Variants in LARGE1 observed in about 807,000 individuals in gnomAD.
The protein encoded by LARGE1 is xylosyl- and glucuronyltransferase LARGE1.
Under a neutral mutation model 87.6 loss-of-function variants are expected in LARGE1, and 43 were observed. The observed-to-expected ratio is 0.49, with a 90% CI of 0.38 to 0.63. The LOEUF is 0.63. LARGE1 is among the 30% of genes least tolerant of loss of function. The pLI is 0.00. For synonymous variants in LARGE1, 434 were observed against 394.6 expected, an observed-to-expected ratio of 1.10 and a Z score of -1.18; for missense variants, 802 against 1,000.2, an observed-to-expected ratio of 0.80 and a Z score of 2.67.
At chr22:33,907,321 CAT>C (rs1036016130) in intron 1 of LARGE1, among the ~76,000 whole-genome samples, 6 of 152,200 alleles carry the variant, frequency 3.9e-5, no homozygotes, top group African/African-American at 9.6e-5. Flanking sequence ...CTAACATAAA[CAT>C]GTGGTTATGT....
At chr22:33,237,102 T>C (rs1926291253) in intron 11 of LARGE1, among the ~76,000 whole-genome samples, 1 of 152,214 alleles carries the variant, frequency 6.6e-6, no homozygotes, top group African/African-American at 2.4e-5. Flanking sequence ...CTGGAGATTA[T>C]GCAGCTTGGT....
intron 2 of LARGE1, among the ~76,000 whole-genome samples, chr22:33,661,396 T>C (rs911106019): frequency 5.3e-5 from 8 of 152,006 alleles, no homozygotes; most frequent in Non-Finnish European, 5.9e-5. Context: ...GCATTTTTAG[T>C]AGAGACGGGG....
chr22:33,573,533 A>T (rs2078268224), intron 5 of LARGE1, among the ~76,000 whole-genome samples: 2 of 152,218 alleles, frequency 1.3e-5, no homozygotes, highest in Admixed American at 1.3e-4. Context: ...ATTTAATGAG[A>T]CATTTATGGA....
At chr22:33,780,166 A>G (rs551778705) in intron 1 of LARGE1, among the ~76,000 whole-genome samples, 1 of 152,316 alleles carries the variant, frequency 6.6e-6, no homozygotes, top group South Asian at 2.1e-4. Context: ...TTCCCGTTAC[A>G]AGGACGCTGG....
At chr22:33,397,046 G>T (rs183226137) in intron 7 of LARGE1, among the ~76,000 whole-genome samples, 1 of 152,170 alleles carries the variant, frequency 6.6e-6, no homozygotes, top group Non-Finnish European at 1.5e-5. Flanking sequence ...CCAAGAAACA[G>T]AATATCACTA....
At chr22:33,897,196 T>A (rs751030262) in intron 1 of LARGE1, among the ~76,000 whole-genome samples, 4 of 152,140 alleles carry the variant, frequency 2.6e-5, no homozygotes, top group Non-Finnish European at 4.4e-5. Context: ...AACTGTTGAA[T>A]CCCACACACC....
intron 10 of LARGE1, among the ~76,000 whole-genome samples, chr22:33,325,592 C>T (rs1937172358): frequency 6.6e-6 from 1 of 152,230 alleles, no homozygotes; most frequent in South Asian, 2.1e-4. Flanking sequence ...AGCCACATTA[C>T]AGCTGCTTGT....
chr22:33,561,584 T>C (rs2077863880), intron 6 of LARGE1, among the ~76,000 whole-genome samples: 1 of 152,200 alleles, frequency 6.6e-6, no homozygotes, highest in Non-Finnish European at 1.5e-5. Flanking sequence ...CCAAACAGTC[T>C]TATTCTTGCA....
At chr22:33,255,526 C>T (rs1261065283) in intron 11 of LARGE1, among the ~76,000 whole-genome samples, 1 of 152,144 alleles carries the variant, frequency 6.6e-6, no homozygotes, top group Non-Finnish European at 1.5e-5. Flanking sequence ...GAGCATCAAA[C>T]CCAGATGTAA....
chr22:33,120,657 C>T, the LARGE1 span, among the ~76,000 whole-genome samples: 1 of 151,932 alleles, frequency 6.6e-6, no homozygotes, highest in Non-Finnish European at 1.5e-5. Context: ...GCTGAGATTA[C>T]AGGCTCCTGC....
At chr22:33,735,077 A>G (rs530251712) in intron 2 of LARGE1, among the ~76,000 whole-genome samples, 1 of 152,326 alleles carries the variant, frequency 6.6e-6, no homozygotes, top group Non-Finnish European at 1.5e-5. Flanking sequence ...TGCCCTGCCT[A>G]AAAGCAGGAC....
At chr22:33,776,464 A>G (rs953744153) in intron 1 of LARGE1, among the ~76,000 whole-genome samples, 1 of 152,182 alleles carries the variant, frequency 6.6e-6, no homozygotes, top group Non-Finnish European at 1.5e-5. Context: ...GAGGATATAC[A>G]TTCTTCCCAA....
At chr22:33,179,171 TAA>T (rs771153951) in intron 11 of LARGE1, among the ~76,000 whole-genome samples, 1 of 152,188 alleles carries the variant, frequency 6.6e-6, no homozygotes, top group Non-Finnish European at 1.5e-5. Context: ...AAATTTTGAA[TAA>T]AGTTTCCAAC....
intron 4 of LARGE1, among the ~76,000 whole-genome samples, chr22:33,613,932 TGCCTCATTCACCCA>T (rs1383462535): frequency 9.2e-5 from 14 of 152,158 alleles, no homozygotes; most frequent in African/African-American, 3.4e-4. Context: ...GCGTTAAAGG[TGCCTCATTCACCCA>T]GCCTCATAAG....
At chr22:33,457,568 A>G (rs1016399160) in intron 6 of LARGE1, among the ~76,000 whole-genome samples, 1 of 152,120 alleles carries the variant, frequency 6.6e-6, no homozygotes, top group Non-Finnish European at 1.5e-5. Context: ...CACACTACAA[A>G]TAAGTACAAA....
chr22:33,558,862 G>C (rs1602427803), intron 6 of LARGE1, among the ~76,000 whole-genome samples: 1 of 152,194 alleles, frequency 6.6e-6, no homozygotes, highest in East Asian at 1.9e-4. Context: ...TGAGGAAATG[G>C]AGCAGACACA....
chr22:33,094,265 C>T, the LARGE1 span, among the ~76,000 whole-genome samples: 8 of 152,204 alleles, frequency 5.3e-5, no homozygotes, highest in East Asian at 3.9e-4. Context: ...TTTGCCAAAT[C>T]GAGCCCTCTT....
rs758366490 is a variant in LARGE1 at position 33,387,426 on chromosome 22, CAAAAAAAAAAA to C, written c.893-3133_893-3123del. ...GGGGTAACAGAGTGAGACTCTGTCT[CAAAAAAAAAAA>C]AAAAAAAAAGAAAGAAAGAATTTCA... On this transcript the variant is annotated intron_variant, in intron 7 of 14. Transcript: ENST00000397394. Among the ~76,000 whole-genome samples the C allele has an allele frequency of 1.9e-4, 13 of 67,490 alleles. 1 individual carries two copies. The South Asian group carries it at 5.3e-3, about 28-fold the overall frequency. 44.3% of individuals were successfully genotyped at this position (67,490 alleles called of 152,430 possible). A position where few individuals can be genotyped will look rare whatever the true frequency, so the allele number is the denominator to read the frequency against.
At chr22:33,792,093 C>T (rs1361328658) in intron 1 of LARGE1, among the ~76,000 whole-genome samples, 6 of 152,216 alleles carry the variant, frequency 3.9e-5, no homozygotes, top group Non-Finnish European at 1.5e-5. Context: ...GACTCAGAGA[C>T]GTCAATTCGG....
Sources: allele counts gnomAD v4.1 joint callset (sites outside exome capture counted in the v4.1 genomes callset), GRCh38; gene constraint gnomAD v4.1.1; transcripts MANE v1.5; gene names NCBI Gene and HGNC (gene_info 2026-07-23, HGNC 2026-07-21).